Variants in HSBP1 observed in about 807,000 individuals in gnomAD.
HSBP1 encodes the protein heat shock factor-binding protein 1.
A neutral mutation model predicts 9.6 loss-of-function variants in HSBP1; 5 were observed. That is an observed-to-expected ratio of 0.52 (90% CI 0.27 to 1.09). The LOEUF (loss-of-function observed/expected upper bound fraction) is 1.09, where lower values mean the gene tolerates loss of function less well. Ranked by LOEUF, HSBP1 falls within the 50% of genes least tolerant of loss-of-function variation. HSBP1 has a pLI of 0.11. For missense variants in HSBP1, 121 were observed against 96.3 expected (o/e 1.26, Z -1.07); for synonymous variants, 42 against 33.3 (o/e 1.26, Z -0.90).
Position 83,815,610 on chromosome 16 carries a change from C to G in HSBP1, c.*4192C>G, listed in dbSNP as rs142282542. 1 of 151,974 alleles carries G rather than the reference C, an allele frequency of 6.6e-6. No homozygotes were observed. The highest frequency in any genetic ancestry group is 1.5e-5 in the Non-Finnish European group (1 of 68,008). The allele number at this position is 151,974 out of a possible 1,614,324, so 9.4% of individuals were successfully genotyped here. A position where few individuals can be genotyped will look rare whatever the true frequency, so the allele number is the denominator to read the frequency against. On this transcript the variant is annotated 3_prime_UTR_variant, in exon 4 of 4. Coordinates refer to ENST00000433866, the MANE Select transcript of HSBP1 (RefSeq NM_001537.4). Reference sequence around the variant, plus strand: ...GCTCCTCAGACCGCTGCCTAGGGTTCGAGTGATCCTGAAAGCTGTACAACA... The same window carrying G: ...GCTCCTCAGACCGCTGCCTAGGGTTGGAGTGATCCTGAAAGCTGTACAACA...
At position 83,819,169 on chromosome 16, in the gene HSBP1, C is replaced by T. The variant is rs752556787; in HGVS notation, c.*7751C>T. 6.6e-6 allele frequency: 1 copy of T among 152,088 alleles called. No individual in the cohort carries two copies. Among genetic ancestry groups the T allele is most frequent in the Non-Finnish European group, 1.5e-5 (1 of 68,030 alleles). 9.4% of individuals were successfully genotyped at this position (152,088 alleles called of 1,614,324 possible). A position where few individuals can be genotyped will look rare whatever the true frequency, so the allele number is the denominator to read the frequency against. On this transcript the variant is annotated 3_prime_UTR_variant, in exon 4 of 4. Transcript: ENST00000433866. ...GTCAAATATGTCTAAACCAAGAAGC[C>T]CCATGGGGCACTGATTAGCATGCAG...
At chr16:83,808,248 G>A in intron 1 of HSBP1, 127 bp downstream of exon 1, 3 of 817,802 alleles carry the variant, frequency 3.7e-6, no homozygotes, top group Non-Finnish European at 5.6e-6. Context: ...TTCTGGAAGC[G>A]TCTCTGGCCG....
chr16:83,808,831 A>T (rs1361538593), intron 2 of HSBP1, 85 bp downstream of exon 2: 1 of 964,068 alleles, frequency 1.0e-6, no homozygotes, highest in Non-Finnish European at 1.6e-6. Flanking sequence ...AGTAGTTTTC[A>T]GGCTAGCTTC....
Position 83,812,906 on chromosome 16 carries a change from G to T in HSBP1, c.*1488G>T, listed in dbSNP as rs1038445747. 1.3e-5 allele frequency: 2 copies of T among 152,160 alleles called. No homozygotes were observed. Among genetic ancestry groups the T allele is most frequent in the East Asian group, 1.9e-4 (1 of 5,190 alleles). The allele number at this position is 152,160 out of a possible 1,614,324, so 9.4% of individuals were successfully genotyped here. On this transcript the variant is annotated 3_prime_UTR_variant, in exon 4 of 4. Coordinates refer to ENST00000433866, the MANE Select transcript of HSBP1 (RefSeq NM_001537.4). Reference sequence around the variant, plus strand: ...GAGAGTTGTGACTTAGGCAGGAGTCGACCTCCTCAAGTAATGGAACGATTT... The same window carrying T: ...GAGAGTTGTGACTTAGGCAGGAGTCTACCTCCTCAAGTAATGGAACGATTT...
intron 3 of HSBP1, among the ~76,000 whole-genome samples, chr16:83,811,139 C>G (rs1904591489): frequency 6.6e-6 from 1 of 152,188 alleles, no homozygotes; most frequent in Non-Finnish European, 1.5e-5. Flanking sequence ...ATGTGGCAAT[C>G]AAAACTGCCA....
rs751338141 is a variant in HSBP1 at position 83,810,521 on chromosome 16, C to CAAAA, written c.*3-880_*3-877dup. Among the ~76,000 whole-genome samples the CAAAA allele has an allele frequency of 4.9e-3, 254 of 51,386 alleles. 3 individuals are homozygous for CAAAA. Among genetic ancestry groups the CAAAA allele is most frequent in the Middle Eastern group, 0.023 (1 of 44 alleles). 33.7% of individuals were successfully genotyped at this position (51,386 alleles called of 152,430 possible). A position where few individuals can be genotyped will look rare whatever the true frequency, so the allele number is the denominator to read the frequency against. ...TGGGCGACAGAGTGAGACTCTGTCT[C>CAAAA]AAAAAAAAAAAAAAAAAAAAAAAGG... On this transcript the variant is annotated intron_variant, in intron 3 of 3. Transcript: ENST00000433866.
rs1904797926 is a variant in HSBP1, at chr16:83,819,701, A to C, written c.*8283A>C. The C allele has an allele frequency of 6.6e-6, 1 of 152,230 alleles. No homozygotes were observed. Among genetic ancestry groups the C allele is most frequent in the South Asian group, 2.1e-4 (1 of 4,836 alleles). 9.4% of individuals were successfully genotyped at this position (152,230 alleles called of 1,614,324 possible). ...ATTTTACCAGAAGGATAAGTTATTC[A>C]GTATGGAGATTATTTATTAAAAACT... On this transcript the variant is annotated 3_prime_UTR_variant, in exon 4 of 4. Transcript: ENST00000433866.
chr16:83,816,076 C>T lies in HSBP1; in HGVS notation c.*4658C>T, dbSNP rs1904713680. 1.3e-5 allele frequency: 2 copies of T among 152,114 alleles called. No homozygotes were observed. The highest frequency in any genetic ancestry group is 6.6e-5 in the Admixed American group (1 of 15,260). 9.4% of individuals were successfully genotyped at this position (152,114 alleles called of 1,614,324 possible). A position where few individuals can be genotyped will look rare whatever the true frequency, so the allele number is the denominator to read the frequency against. On this transcript the variant is annotated 3_prime_UTR_variant, in exon 4 of 4. Transcript: ENST00000433866. ...GTCCCAAGGGAGGGCAGCTCTGGGGCGAGTAAATTCTGCACCTCAGTAAAA... is the reference window on the plus strand; with the variant it reads ...GTCCCAAGGGAGGGCAGCTCTGGGGTGAGTAAATTCTGCACCTCAGTAAAA...
chr16:83,809,462 C>CTTT (rs34576085), intron 3 of HSBP1, 37 bp downstream of exon 3: 576 of 407,492 alleles, frequency 1.4e-3, no homozygotes, highest in East Asian at 2.6e-3. Context: ...CTTTTCTTTT[C>CTTT]TTTTTTTTTT....
rs1398184987 is a variant in HSBP1, at chr16:83,815,757, G to A, written c.*4339G>A. 2.0e-5 allele frequency: 3 copies of A among 152,162 alleles called. No individual in the cohort carries two copies. The highest frequency in any genetic ancestry group is 7.2e-5 in the African/African-American group (3 of 41,432). The allele number at this position is 152,162 out of a possible 1,614,324, so 9.4% of individuals were successfully genotyped here. A position where few individuals can be genotyped will look rare whatever the true frequency, so the allele number is the denominator to read the frequency against. On this transcript the variant is annotated 3_prime_UTR_variant, in exon 4 of 4. Coordinates refer to ENST00000433866, the MANE Select transcript of HSBP1 (RefSeq NM_001537.4). ...ACATGAACTACATACCTATCGTGTA[G>A]ATGCTGCCCTGCCTCATAAGAACAC...
At chr16:83,808,980 A>G (rs1465692210) in intron 2 of HSBP1, 3 of 568,788 alleles carry the variant, frequency 5.3e-6, no homozygotes, top group Non-Finnish European at 9.4e-6. Flanking sequence ...GGTGTGGTGG[A>G]CCATGCACTG....
In HSBP1 at chr16:83,818,813, A is replaced by G. The variant is rs533972621; in HGVS notation, c.*7395A>G. 1 of 152,310 alleles carries G rather than the reference A, an allele frequency of 6.6e-6. No individual in the cohort carries two copies. The highest frequency in any genetic ancestry group is 2.4e-5 in the African/African-American group (1 of 41,570). 9.4% of individuals were successfully genotyped at this position (152,310 alleles called of 1,614,324 possible). The stretch of plus-strand genomic sequence containing the variant: ...GTTTTCCATAATTGGTCTGAGAACA[A>G]CAGATTTTTTTCTTTTTTGCCTCGG... On this transcript the variant is annotated 3_prime_UTR_variant, in exon 4 of 4. Coordinates refer to ENST00000433866, the MANE Select transcript of HSBP1 (RefSeq NM_001537.4).
rs1265951628 is a variant in HSBP1 at position 83,812,821 on chromosome 16, G to C, written c.*1403G>C. ...AGACCATCCGAAACCTGCGTCCCTG[G>C]TGATGTTCTCAAGCCTCGGAAGTGG... On this transcript the variant is annotated 3_prime_UTR_variant, in exon 4 of 4. Transcript: ENST00000433866. The C allele has an allele frequency of 3.3e-5, 5 of 152,318 alleles. No individual in the cohort carries two copies. Among genetic ancestry groups the C allele is most frequent in the Non-Finnish European group, 7.3e-5 (5 of 68,158 alleles). The allele number at this position is 152,318 out of a possible 1,614,324, so 9.4% of individuals were successfully genotyped here. A position where few individuals can be genotyped will look rare whatever the true frequency, so the allele number is the denominator to read the frequency against.
rs756467538 is a variant in HSBP1 at position 83,808,136 on chromosome 16, T to G, written c.45+15T>G. 2 of 1,543,286 alleles carry G rather than the reference T, an allele frequency of 1.3e-6. No homozygotes were observed. The highest frequency in any genetic ancestry group is 2.4e-5 in the South Asian group (2 of 83,902). ...TCACCTCGGTGGTAAGGGACGGCTG[T>G]GAGGGCCGGAGGCCGCGGCCTTCCC... On this transcript the variant is annotated intron_variant, in intron 1 of 3. Coordinates refer to ENST00000433866, the MANE Select transcript of HSBP1 (RefSeq NM_001537.4).
chr16:83,818,179 T>C lies in HSBP1; in HGVS notation c.*6761T>C, dbSNP rs1208014362. The C allele has an allele frequency of 6.6e-6, 1 of 152,152 alleles. No individual in the cohort carries two copies. 9.4% of individuals were successfully genotyped at this position (152,152 alleles called of 1,614,324 possible). A position where few individuals can be genotyped will look rare whatever the true frequency, so the allele number is the denominator to read the frequency against. ...CCTATCAGAATCCTTGTCTGGAAGG[T>C]TGATTATATCAGATGCGCATTTTGC... On this transcript the variant is annotated 3_prime_UTR_variant, in exon 4 of 4. Coordinates refer to ENST00000433866, the MANE Select transcript of HSBP1 (RefSeq NM_001537.4).
At chr16:83,809,573 G>T in intron 3 of HSBP1, 148 bp downstream of exon 3, 1 of 541,298 alleles carries the variant, frequency 1.8e-6, no homozygotes, top group East Asian at 3.2e-5. Flanking sequence ...GGGTTCAAAC[G>T]ATTGTCCTGC....
chr16:83,808,143 C>T (rs1386648889), intron 1 of HSBP1, 22 bp downstream of exon 1: 6 of 1,540,374 alleles, frequency 3.9e-6, no homozygotes, highest in African/African-American at 1.4e-5. Flanking sequence ...CTGTGAGGGC[C>T]GGAGGCCGCG....
Position 83,812,307 on chromosome 16 carries a change from A to G in HSBP1, c.*889A>G, listed in dbSNP as rs1366408272. On this transcript the variant is annotated 3_prime_UTR_variant, in exon 4 of 4. Transcript: ENST00000433866. ...CAGTTGCTTGGCTAGAATATGATCAACGACTTGTAGTAGACTCAAGTTTTT... is the reference window on the plus strand; with the variant it reads ...CAGTTGCTTGGCTAGAATATGATCAGCGACTTGTAGTAGACTCAAGTTTTT... 6.6e-6 allele frequency: 1 copy of G among 152,498 alleles called. No individual in the cohort carries two copies. The highest frequency in any genetic ancestry group is 1.5e-5 in the Non-Finnish European group (1 of 68,040). 9.4% of individuals were successfully genotyped at this position (152,498 alleles called of 1,614,324 possible).
intron 3 of HSBP1, among the ~76,000 whole-genome samples, chr16:83,810,232 C>T (rs1904569232): frequency 6.6e-6 from 1 of 151,852 alleles, no homozygotes; most frequent in Non-Finnish European, 1.5e-5. Context: ...AGCTTTTACC[C>T]TGGAGTTCAT....
Sources: allele counts gnomAD v4.1 joint callset (sites outside exome capture counted in the v4.1 genomes callset), GRCh38; gene constraint gnomAD v4.1.1; transcripts MANE v1.5; gene names NCBI Gene and HGNC (gene_info 2026-07-23, HGNC 2026-07-21).